Variants in FGF10 observed in about 807,000 individuals in gnomAD.
FGF10 encodes the protein fibroblast growth factor 10, also known as FGF-10.
FGF10 carries 2 observed loss-of-function variants against 19.8 expected under a neutral mutation model. The observed-to-expected ratio is 0.10, with a 90% confidence interval of 0.04 to 0.32. FGF10 has a LOEUF of 0.32. Among genes scored for constraint, FGF10 ranks in the 10% least tolerant of loss-of-function variants. The pLI is 1.00. For missense variants in FGF10, 191 were observed against 246.3 expected (o/e 0.78, Z 1.50); for synonymous variants, 112 against 94.0 (o/e 1.19, Z -1.10).
intron 1 of FGF10, among the ~76,000 whole-genome samples, chr5:44,341,563 G>A (rs1374710370): frequency 6.6e-6 from 1 of 151,704 alleles, no homozygotes; most frequent in African/African-American, 2.4e-5. Flanking sequence ...CTTTGAAGCA[G>A]AGCAATGAAA....
intron 1 of FGF10, among the ~76,000 whole-genome samples, chr5:44,319,127 T>A (rs1022968122): frequency 3.9e-5 from 6 of 152,168 alleles, no homozygotes; most frequent in African/African-American, 1.2e-4. Flanking sequence ...TACAAACAGT[T>A]GGCAGCCAGG....
chr5:44,333,077 A>C (rs912965857), intron 1 of FGF10, among the ~76,000 whole-genome samples: 1 of 152,078 alleles, frequency 6.6e-6, no homozygotes, highest in Non-Finnish European at 1.5e-5. Context: ...ATATTTTAGT[A>C]AATTTTAATT....
chr5:44,302,305 T>G lies in FGF10; in HGVS notation c.*2690A>C, dbSNP rs1739983566. Among the ~76,000 whole-genome samples the G allele has an allele frequency of 6.8e-6, 1 of 148,018 alleles. No individual in the cohort carries two copies. Among genetic ancestry groups the G allele is most frequent in the Non-Finnish European group, 1.5e-5 (1 of 66,704 alleles). Reference sequence around the variant, plus strand: ...TTGCTTCCTTCCTTCCTTCCTTCCTTCCTTCCTTCCTTCCTTCCTTCCTTC... The same window carrying G: ...TTGCTTCCTTCCTTCCTTCCTTCCTGCCTTCCTTCCTTCCTTCCTTCCTTC... On this transcript the variant is annotated 3_prime_UTR_variant, in exon 3 of 3. Transcript: ENST00000264664.
chr5:44,380,104 G>A (rs969520), intron 1 of FGF10, among the ~76,000 whole-genome samples: 1 of 151,972 alleles, frequency 6.6e-6, no homozygotes, highest in Non-Finnish European at 1.5e-5. Context: ...GGTAATTACT[G>A]CTATGAATAC....
At chr5:44,367,620 A>G (rs903368419) in intron 1 of FGF10, among the ~76,000 whole-genome samples, 3 of 152,024 alleles carry the variant, frequency 2.0e-5, no homozygotes, top group African/African-American at 7.2e-5. Flanking sequence ...GTACAATAGG[A>G]TAACCTAGTA....
At chr5:44,353,498 T>C (rs892858809) in intron 1 of FGF10, among the ~76,000 whole-genome samples, 4 of 151,606 alleles carry the variant, frequency 2.6e-5, no homozygotes, top group Non-Finnish European at 5.9e-5. Flanking sequence ...AGTTTTGTTT[T>C]GTGTTTGTAT....
intron 1 of FGF10, among the ~76,000 whole-genome samples, chr5:44,315,126 G>T (rs1740306460): frequency 6.7e-6 from 1 of 149,310 alleles, no homozygotes; most frequent in Non-Finnish European, 1.5e-5. Flanking sequence ...TGTGGTCCTT[G>T]CCTCAAGGAG....
intron 1 of FGF10, among the ~76,000 whole-genome samples, chr5:44,339,675 G>A (rs1192720796): frequency 5.9e-5 from 9 of 151,988 alleles, no homozygotes; most frequent in Admixed American, 5.9e-4. Context: ...TATCTTCAAG[G>A]TTTCCTCTGG....
intron 1 of FGF10, among the ~76,000 whole-genome samples, chr5:44,375,441 T>C (rs897535674): frequency 2.0e-5 from 3 of 152,110 alleles, no homozygotes; most frequent in African/African-American, 7.2e-5. Context: ...TAGCAGTGTC[T>C]GGCAAGGCTG....
intron 1 of FGF10, among the ~76,000 whole-genome samples, chr5:44,366,623 CTTGTGACATATGAT>C (rs1436995061): frequency 6.6e-6 from 1 of 151,954 alleles, no homozygotes; most frequent in Non-Finnish European, 1.5e-5. Flanking sequence ...CTTTTAGTGG[CTTGTGACATATGAT>C]TTGTGAATAT....
intron 1 of FGF10, among the ~76,000 whole-genome samples, chr5:44,355,603 A>G (rs1187092129): frequency 1.3e-5 from 2 of 151,366 alleles, no homozygotes; most frequent in Non-Finnish European, 3.0e-5. Flanking sequence ...AAGGAAGACT[A>G]ATTGTTAGTG....
chr5:44,361,560 A>G (rs1028642129), intron 1 of FGF10, among the ~76,000 whole-genome samples: 1 of 151,608 alleles, frequency 6.6e-6, no homozygotes, highest in Non-Finnish European at 1.5e-5. Flanking sequence ...CTGATCATCA[A>G]ATAAGAATTT....
At chr5:44,349,705 A>G (rs954951134) in intron 1 of FGF10, among the ~76,000 whole-genome samples, 1 of 150,496 alleles carries the variant, frequency 6.6e-6, no homozygotes, top group Non-Finnish European at 1.5e-5. Flanking sequence ...ACTCTTTGGG[A>G]ATATCTATCA....
chr5:44,387,722 T>C (rs1742135599), intron 1 of FGF10, among the ~76,000 whole-genome samples: 1 of 151,716 alleles, frequency 6.6e-6, no homozygotes, highest in Non-Finnish European at 1.5e-5. Context: ...CTGCAATCAC[T>C]CAAACTAACA....
chr5:44,315,757 C>T (rs1350080198), intron 1 of FGF10, among the ~76,000 whole-genome samples: 1 of 152,028 alleles, frequency 6.6e-6, no homozygotes, highest in Non-Finnish European at 1.5e-5. Flanking sequence ...GTCCTAAGTT[C>T]ATCTATTATA....
intron 1 of FGF10, among the ~76,000 whole-genome samples, chr5:44,358,927 C>A (rs1041131114): frequency 6.6e-6 from 1 of 151,328 alleles, no homozygotes; most frequent in Non-Finnish European, 1.5e-5. Flanking sequence ...ATAGGATTAC[C>A]CTCCTAAAAT....
intron 1 of FGF10, among the ~76,000 whole-genome samples, chr5:44,327,976 G>A (rs1579908087): frequency 6.6e-6 from 1 of 152,200 alleles, no homozygotes; most frequent in African/African-American, 2.4e-5. Flanking sequence ...TTTTCAAAAG[G>A]AGAGCTACAG....
intron 1 of FGF10, among the ~76,000 whole-genome samples, chr5:44,310,787 A>C (rs1229754483): frequency 6.6e-6 from 1 of 152,156 alleles, no homozygotes; most frequent in Non-Finnish European, 1.5e-5. Flanking sequence ...GAGCATACAT[A>C]GAAAATATTG....
intron 1 of FGF10, among the ~76,000 whole-genome samples, chr5:44,376,052 C>T (rs141205694): frequency 6.6e-6 from 1 of 152,120 alleles, no homozygotes; most frequent in African/African-American, 2.4e-5. Context: ...TTAGTAACAA[C>T]ACAAGCAGTC....
Sources: gnomAD v4.1 joint callset for allele counts (sites outside exome capture counted in the v4.1 genomes callset) on GRCh38, gnomAD v4.1.1 for gene constraint, MANE v1.5 for transcripts, NCBI Gene and HGNC (gene_info 2026-07-23, HGNC 2026-07-21) for gene names.